Variants in GLI3 observed in about 807,000 individuals in gnomAD.
GLI3 encodes the protein transcription activator GLI3.
Under a neutral mutation model 100.8 loss-of-function variants are expected in GLI3, and 20 were observed. The observed-to-expected ratio is 0.20, with a 90% confidence interval of 0.14 to 0.29. The LOEUF is 0.29. Ranked by LOEUF, GLI3 falls within the 10% of genes least tolerant of loss-of-function variation. The pLI is 1.00. For missense variants in GLI3, 2,040 were observed against 2,128.5 expected, an observed-to-expected ratio of 0.96 and a Z score of 0.82; for synonymous variants, 938 against 860.5, an observed-to-expected ratio of 1.09 and a Z score of -1.58.
intron 1 of GLI3, among the ~76,000 whole-genome samples, chr7:42,260,653 G>A (rs890912589): frequency 3.3e-5 from 5 of 152,148 alleles, no homozygotes; most frequent in Non-Finnish European, 5.9e-5. Context: ...TAACTACAAC[G>A]TAGTGAATGA....
intron 3 of GLI3, among the ~76,000 whole-genome samples, chr7:42,115,650 C>T (rs1055875112): frequency 5.3e-5 from 8 of 152,140 alleles, no homozygotes; most frequent in African/African-American, 1.9e-4. Flanking sequence ...GAGTTTTTGT[C>T]TCCCAAAGGG....
At chr7:42,213,185 T>C (rs1033876403) in intron 2 of GLI3, among the ~76,000 whole-genome samples, 98 of 152,346 alleles carry the variant, frequency 6.4e-4, no homozygotes, top group African/African-American at 2.1e-3. Flanking sequence ...TTCTGAATTT[T>C]ACATAATGAA....
intron 4 of GLI3, among the ~76,000 whole-genome samples, chr7:42,068,054 G>A (rs1039059017): frequency 6.6e-6 from 1 of 152,178 alleles, no homozygotes; most frequent in African/African-American, 2.4e-5. Flanking sequence ...TATCTTTATT[G>A]GAAATGCACT....
At chr7:42,002,923 A>C (rs892704797) in intron 10 of GLI3, among the ~76,000 whole-genome samples, 2 of 152,200 alleles carry the variant, frequency 1.3e-5, no homozygotes, top group Non-Finnish European at 2.9e-5. Flanking sequence ...AAGTTAGTGC[A>C]TGCTCTTAGA....
At chr7:42,243,637 G>A (rs1187459995) in intron 1 of GLI3, among the ~76,000 whole-genome samples, 4 of 152,264 alleles carry the variant, frequency 2.6e-5, no homozygotes, top group Non-Finnish European at 5.9e-5. Flanking sequence ...ATAAAGGAGT[G>A]GATCTACTAT....
chr7:41,977,451 T>A (rs2128712162), intron 12 of GLI3, 107 bp downstream of exon 12: 1 of 1,183,580 alleles, frequency 8.4e-7, no homozygotes, highest in East Asian at 2.5e-5. Context: ...ATGCTGGGAA[T>A]GGCCAAGGGG....
chr7:42,079,387 T>C (rs1168575704), intron 3 of GLI3, among the ~76,000 whole-genome samples: 1 of 152,214 alleles, frequency 6.6e-6, no homozygotes, highest in African/African-American at 2.4e-5. Flanking sequence ...CTAGTTTATG[T>C]TTACTGATTT....
chr7:42,259,641 A>G (rs1789119737), intron 1 of GLI3, among the ~76,000 whole-genome samples: 1 of 152,202 alleles, frequency 6.6e-6, no homozygotes. Context: ...TGCATGATAG[A>G]AAATTATTTG....
chr7:42,110,831 A>G (rs762595468), intron 3 of GLI3, among the ~76,000 whole-genome samples: 17 of 152,334 alleles, frequency 1.1e-4, no homozygotes, highest in Non-Finnish European at 1.9e-4. Flanking sequence ...AGCAACATCA[A>G]CTTATTCAGT....
intron 2 of GLI3, among the ~76,000 whole-genome samples, chr7:42,177,675 A>C (rs2128679944): frequency 6.6e-6 from 1 of 152,334 alleles, no homozygotes; most frequent in Middle Eastern, 3.4e-3. Flanking sequence ...TGGGGACTGA[A>C]GACAAACGGA....
intron 1 of GLI3, among the ~76,000 whole-genome samples, chr7:42,248,807 G>T (rs542168735): frequency 6.5e-4 from 96 of 148,646 alleles, no homozygotes; most frequent in Middle Eastern, 3.4e-3. Context: ...TATTTTTTTT[G>T]AGATAGGGTC....
chr7:42,223,700 G>A (rs1788533911), intron 1 of GLI3, among the ~76,000 whole-genome samples: 1 of 152,186 alleles, frequency 6.6e-6, no homozygotes, highest in Admixed American at 6.5e-5. Flanking sequence ...AATTCCAAAG[G>A]GAGGGAAGGT....
intron 5 of GLI3, among the ~76,000 whole-genome samples, chr7:42,047,872 CAG>C (rs1784275856): frequency 6.6e-6 from 1 of 152,182 alleles, no homozygotes; most frequent in South Asian, 2.1e-4. Flanking sequence ...CCTTGCCACT[CAG>C]AGTGTGGTCC....
At chr7:42,258,282 C>T (rs1036090562) in intron 1 of GLI3, among the ~76,000 whole-genome samples, 3 of 152,282 alleles carry the variant, frequency 2.0e-5, no homozygotes, top group East Asian at 3.9e-4. Flanking sequence ...ACCTGTATGA[C>T]CAACATTTTT....
chr7:42,082,109 C>G (rs1428804363), intron 3 of GLI3, among the ~76,000 whole-genome samples: 1 of 151,830 alleles, frequency 6.6e-6, no homozygotes, highest in African/African-American at 2.4e-5. Flanking sequence ...ACCAAAATCA[C>G]CATCCAGCTT....
At chr7:42,065,999 C>A (rs1784666929) in intron 4 of GLI3, among the ~76,000 whole-genome samples, 1 of 152,112 alleles carries the variant, frequency 6.6e-6, no homozygotes, top group African/African-American at 2.4e-5. Context: ...TGGCAGAGAC[C>A]CACAGCGGAT....
At chr7:42,070,284 G>A (rs376646986) in intron 4 of GLI3, among the ~76,000 whole-genome samples, 5 of 152,192 alleles carry the variant, frequency 3.3e-5, no homozygotes, top group East Asian at 3.9e-4. Context: ...AGGCCTGAAC[G>A]TGGCTTTTTA....
chr7:42,153,292 G>A (rs1161732873), intron 2 of GLI3, among the ~76,000 whole-genome samples: 3 of 152,044 alleles, frequency 2.0e-5, no homozygotes, highest in Non-Finnish European at 2.9e-5. Flanking sequence ...CTGGTATTTC[G>A]GAATACTTCT....
rs1786773188 is a variant in GLI3, at chr7:42,148,335, G to T, written c.258C>A (p.Ile86=). 29 of 1,613,824 alleles carry T rather than the reference G, an allele frequency of 1.8e-5. No individual in the cohort carries two copies. Among genetic ancestry groups the T allele is most frequent in the Non-Finnish European group, 2.3e-5 (27 of 1,179,876 alleles). ...STSSDERASL[I]KKEIHGSLPH... ...GCAGGGACCCATGGATCTCTTTCTT[G>T]ATCAATGAGGCCCTCTCGTCACTCG... The change falls in exon 3 of 15, where the codon ATC becomes ATA. Residue 86 remains isoleucine, a synonymous_variant. Coordinates refer to ENST00000395925, the MANE Select transcript of GLI3 (RefSeq NM_000168.6).
Sources: allele counts gnomAD v4.1 joint callset (sites outside exome capture counted in the v4.1 genomes callset), GRCh38; gene constraint gnomAD v4.1.1; transcripts MANE v1.5; gene names NCBI Gene and HGNC (gene_info 2026-07-23, HGNC 2026-07-21).